The following DENND1B variants were observed in gnomAD, a reference collection of about 807,000 sequenced individuals.
DENND1B encodes the protein DENN domain containing 1B.
A neutral mutation model predicts 90.1 loss-of-function variants in DENND1B; 59 were observed. The observed-to-expected ratio is 0.65, with a 90% CI of 0.53 to 0.81. DENND1B has a LOEUF of 0.81. Ranked by LOEUF, DENND1B falls within the 40% of genes least tolerant of loss-of-function variation. The pLI is 0.00. For missense variants in DENND1B, 862 were observed against 912.6 expected, an observed-to-expected ratio of 0.94 and a Z score of 0.71; for synonymous variants, 337 against 324.6, an observed-to-expected ratio of 1.04 and a Z score of -0.41.
At chr1:197,593,248 A>G (rs1002966404) in intron 14 of DENND1B, among the ~76,000 whole-genome samples, 1 of 151,880 alleles carries the variant, frequency 6.6e-6, no homozygotes, top group East Asian at 1.9e-4. Flanking sequence ...GTGAAAATAA[A>G]TGGAAAATAA....
At chr1:197,605,612 T>G (rs1676605183) in intron 13 of DENND1B, 1 of 151,252 alleles carries the variant, frequency 6.6e-6, no homozygotes, top group South Asian at 2.1e-4. Context: ...ATCCATTGAA[T>G]AATACTTTGA....
rs1214766018 is a variant in DENND1B, at chr1:197,577,482, T to C, written c.1149+5670A>G. On this transcript the variant is annotated intron_variant, in intron 15 of 22. Coordinates refer to ENST00000620048, the MANE Select transcript of DENND1B (RefSeq NM_001195215.2). ...CACATTTATATTACTATATGAATGG[T>C]AGGAGAGGTTTTGGGGGAAAGGTTT... 6.6e-5 allele frequency among the ~76,000 whole-genome samples: 10 copies of C among 152,086 alleles called. No individual in the cohort carries two copies. In the East Asian group the frequency reaches 1.7e-3, roughly 26 times the overall value.
At chr1:197,520,997 G>C (rs969812612) in intron 20 of DENND1B, among the ~76,000 whole-genome samples, 2 of 151,784 alleles carry the variant, frequency 1.3e-5, no homozygotes, top group African/African-American at 4.8e-5. Flanking sequence ...ACTTACTAGA[G>C]GAGATATTCT....
intron 2 of DENND1B, among the ~76,000 whole-genome samples, chr1:197,760,412 A>T (rs1466039790): frequency 6.6e-6 from 1 of 152,110 alleles, no homozygotes; most frequent in African/African-American, 2.4e-5. Context: ...CACTTTTGGA[A>T]GCTAAGGTAG....
chr1:197,554,071 G>A lies in DENND1B; in HGVS notation c.1150-959C>T, dbSNP rs553095017. On this transcript the variant is annotated intron_variant, in intron 15 of 22. Transcript: ENST00000620048. ...AAAAGTATCCTGGGTATTTTTATAT[G>A]ACCAACCCAAGGTGAAAATCAATGA... Among the ~76,000 whole-genome samples, 143 of 146,538 alleles carry A rather than the reference G, an allele frequency of 9.8e-4. 1 individual carries two copies. In the South Asian group the frequency reaches 0.014, roughly 14 times the overall value.
rs536155241 is a variant in DENND1B at position 197,522,098 on chromosome 1, A to C, written c.1516-9145T>G. ...CTAGCTCTAAAAATGGCAAGCTATA[A>C]ATCTCATTTTTTAAGGCAAGTGGTA... is the stretch of plus-strand genomic sequence containing the variant. On this transcript the variant is annotated intron_variant, in intron 20 of 22. Transcript: ENST00000620048. Among the ~76,000 whole-genome samples the C allele has an allele frequency of 2.0e-5, 3 of 152,166 alleles. 1 individual carries two copies. Among genetic ancestry groups the C allele is most frequent in the African/African-American group, 7.2e-5 (3 of 41,552 alleles).
chr1:197,658,328 G>A lies in DENND1B; in HGVS notation c.338C>T (p.Thr113Ile). Residue 113 changes from threonine to isoleucine, a missense_variant, in exon 6 of 23, where the codon ACT becomes ATT. Physicochemically the swap from Thr to Ile is moderately conservative, Grantham distance 89 (BLOSUM62 -1). Transcript: ENST00000620048. ...TTCCTTAGCCAAGTAATCTGCAAGAGTATTTAGAAGCTTGTAATACACTTC... is the reference window on the plus strand; with the variant it reads ...TTCCTTAGCCAAGTAATCTGCAAGAATATTTAGAAGCTTGTAATACACTTC... ...WFEVYYKLLNTLADYLAKELE... is the reference protein window; with the variant it reads ...WFEVYYKLLNILADYLAKELE... The A allele has an allele frequency of 6.2e-7, 1 of 1,610,626 alleles. No homozygotes were observed. Among genetic ancestry groups the A allele is most frequent in the Non-Finnish European group, 8.5e-7 (1 of 1,178,008 alleles).
intron 10 of DENND1B, among the ~76,000 whole-genome samples, chr1:197,635,728 C>G (rs1039893563): frequency 1.3e-5 from 2 of 152,052 alleles, no homozygotes; most frequent in African/African-American, 4.8e-5. Context: ...GTGGTAAATG[C>G]TATGATAATT....
In DENND1B at chr1:197,611,970, T is replaced by C; in HGVS notation, c.780A>G (p.Pro260=). The change falls in exon 12 of 23, where the codon CCA becomes CCG. Residue 260 remains proline, a synonymous_variant. Coordinates refer to ENST00000620048, the MANE Select transcript of DENND1B (RefSeq NM_001195215.2). The part of the protein sequence containing the change: ...PPHLLDYCCA[P]MPYLIGIHSS... ...AGTGTATTCCAATCAGGTATGGCAT[T>C]GGGGCACTAAATTAAAAATATATAT... 6.2e-7 allele frequency: 1 copy of C among 1,603,178 alleles called. No homozygotes were observed. Among genetic ancestry groups the C allele is most frequent in the South Asian group, 1.1e-5 (1 of 90,628 alleles).
chr1:197,529,622 C>T (rs959571883), intron 20 of DENND1B, among the ~76,000 whole-genome samples: 15 of 151,908 alleles, frequency 9.9e-5, no homozygotes, highest in Admixed American at 8.5e-4. Context: ...TAGACTAAGC[C>T]ACGCATGGCT....
chr1:197,581,762 A>G (rs777403852), intron 15 of DENND1B, among the ~76,000 whole-genome samples: 17 of 152,310 alleles, frequency 1.1e-4, no homozygotes, highest in Middle Eastern at 6.8e-3. Flanking sequence ...TCAAAGGGAA[A>G]TAAGTTAGAT....
intron 5 of DENND1B, among the ~76,000 whole-genome samples, chr1:197,663,831 C>G (rs1029810143): frequency 5.9e-5 from 9 of 152,012 alleles, no homozygotes; most frequent in African/African-American, 2.2e-4. Context: ...TGATAAGAAG[C>G]AACTGCTCAA....
In DENND1B at chr1:197,771,118, G is replaced by A. The variant is rs915907179; in HGVS notation, c.82+1750C>T. Among the ~76,000 whole-genome samples the A allele has an allele frequency of 9.2e-5, 14 of 151,750 alleles. No individual in the cohort carries two copies. In the South Asian group the frequency reaches 1.0e-3, roughly 11 times the overall value. On this transcript the variant is annotated intron_variant, in intron 2 of 22. Coordinates refer to ENST00000620048, the MANE Select transcript of DENND1B (RefSeq NM_001195215.2). ...GTAGAGATGGGGTTTCACCATATTG[G>A]TCAGGCTGGTCTCGAACTCCTGGCC...
At chr1:197,596,315 G>A (rs918889386) in intron 13 of DENND1B, among the ~76,000 whole-genome samples, 2 of 151,842 alleles carry the variant, frequency 1.3e-5, no homozygotes, top group Non-Finnish European at 2.9e-5. Flanking sequence ...TTTTAAGGAG[G>A]AGGAGATATA....
At chr1:197,534,400 CAA>C (rs1435716245) in intron 20 of DENND1B, among the ~76,000 whole-genome samples, 1 of 152,158 alleles carries the variant, frequency 6.6e-6, no homozygotes, top group Non-Finnish European at 1.5e-5. Context: ...TCTTCCAAAA[CAA>C]AAGTCTTTGT....
At chr1:197,708,080 C>T (rs1659791075) in intron 3 of DENND1B, among the ~76,000 whole-genome samples, 2 of 139,276 alleles carry the variant, frequency 1.4e-5, no homozygotes. Flanking sequence ...GGGTCCTACG[C>T]CCACGGAATC....
At chr1:197,555,921 A>G (rs1007347844) in intron 15 of DENND1B, among the ~76,000 whole-genome samples, 3 of 152,088 alleles carry the variant, frequency 2.0e-5, no homozygotes, top group Admixed American at 6.6e-5. Flanking sequence ...TTATCCCGGC[A>G]CTATTGACAT....
At chr1:197,628,816 A>C (rs1397875687) in intron 10 of DENND1B, among the ~76,000 whole-genome samples, 8 of 152,028 alleles carry the variant, frequency 5.3e-5, no homozygotes, top group East Asian at 1.9e-4. Context: ...CAATGAACTC[A>C]AACAAATTTA....
chr1:197,747,117 A>T (rs1246573772), intron 2 of DENND1B: 2 of 768,124 alleles, frequency 2.6e-6, no homozygotes, highest in African/African-American at 3.5e-5. Flanking sequence ...ATTCTTTTTC[A>T]TTCCTCAATT....
Sources: allele counts gnomAD v4.1 joint callset (sites outside exome capture counted in the v4.1 genomes callset), GRCh38; gene constraint gnomAD v4.1.1; transcripts MANE v1.5; gene names NCBI Gene and HGNC (gene_info 2026-07-23, HGNC 2026-07-21).